Variants in CACNA1C observed in about 807,000 individuals in gnomAD.
CACNA1C encodes calcium voltage-gated channel subunit alpha1 C, also known as voltage-dependent L-type calcium channel subunit alpha-1C.
Under a neutral mutation model 229.0 loss-of-function variants are expected in CACNA1C, and 30 were observed. The observed-to-expected ratio is 0.13, with a 90% CI of 0.10 to 0.18. The LOEUF is 0.18. Ranked by LOEUF, CACNA1C falls within the 10% of genes least tolerant of loss-of-function variation. CACNA1C has a pLI of 1.00. For synonymous variants in CACNA1C, 1,114 were observed against 1,132.5 expected (o/e 0.98, Z 0.33); for missense variants, 1,658 against 2,845.0 (o/e 0.58, Z 9.49).
At chr12:2,543,591 T>G (rs1041821948) in intron 9 of CACNA1C, among the ~76,000 whole-genome samples, 2 of 152,230 alleles carry the variant, frequency 1.3e-5, no homozygotes, top group Non-Finnish European at 2.9e-5. Flanking sequence ...CGCAAATTAA[T>G]AGGCACTAAT....
intron 5 of CACNA1C, among the ~76,000 whole-genome samples, chr12:2,464,583 G>A (rs2099537485): frequency 6.6e-6 from 1 of 152,200 alleles, no homozygotes; most frequent in African/African-American, 2.4e-5. Context: ...CCTGGTTAAT[G>A]TGATTTTGAT....
chr12:2,609,622 G>A (rs2076755526), intron 27 of CACNA1C, among the ~76,000 whole-genome samples: 1 of 150,898 alleles, frequency 6.6e-6, no homozygotes, highest in African/African-American at 2.4e-5. Flanking sequence ...GGAGGTAAAA[G>A]CGTTAAGACT....
chr12:2,176,563 T>TG (rs1375567702), intron 3 of CACNA1C, among the ~76,000 whole-genome samples: 2 of 145,934 alleles, frequency 1.4e-5, no homozygotes, highest in Non-Finnish European at 3.0e-5. Context: ...TAGGGCCTAT[T>TG]GGGGGGGTTG....
chr12:2,180,648 G>A (rs1390323097), intron 3 of CACNA1C, among the ~76,000 whole-genome samples: 3 of 152,184 alleles, frequency 2.0e-5, no homozygotes, highest in African/African-American at 7.2e-5. Flanking sequence ...GAACATTTTT[G>A]CTGATAGGGA....
At chr12:2,473,021 A>T (rs905578347) in intron 5 of CACNA1C, among the ~76,000 whole-genome samples, 2 of 152,034 alleles carry the variant, frequency 1.3e-5, no homozygotes, top group Non-Finnish European at 2.9e-5. Context: ...AAAGGGCCTT[A>T]CTCCCAGGAG....
intron 14 of CACNA1C, among the ~76,000 whole-genome samples, chr12:2,582,410 A>G (rs965085101): frequency 6.6e-6 from 1 of 152,204 alleles, no homozygotes; most frequent in Non-Finnish European, 1.5e-5. Context: ...AATCACATGT[A>G]GATGTTGTCA....
intron 3 of CACNA1C, among the ~76,000 whole-genome samples, chr12:2,411,543 G>T (rs2098807117): frequency 6.6e-6 from 1 of 152,212 alleles, no homozygotes; most frequent in Non-Finnish European, 1.5e-5. Context: ...CAGAGCCCTT[G>T]CCTCTGTTCC....
intron 9 of CACNA1C, among the ~76,000 whole-genome samples, chr12:2,543,669 G>A (rs1051243966): frequency 6.6e-6 from 1 of 152,172 alleles, no homozygotes; most frequent in Non-Finnish European, 1.5e-5. Flanking sequence ...GATATATGCA[G>A]TGCCCCAAAA....
rs548658411 is a variant in CACNA1C, at chr12:2,233,344, A to G, written c.477+112914A>G. Among the ~76,000 whole-genome samples the G allele has an allele frequency of 1.3e-4, 20 of 152,342 alleles. No homozygotes were observed. In the South Asian group the frequency reaches 2.5e-3, roughly 19 times the overall value. ...ATCCTTTCACTCATTCATTAAGTCA[A>G]TATGTCTTGCATGTACACTGTGTGT... On this transcript the variant is annotated intron_variant, in intron 3 of 46. Coordinates refer to ENST00000399655, the MANE Select transcript of CACNA1C (RefSeq NM_000719.7).
rs969716180 is a variant in CACNA1C, at chr12:2,651,898, G to A, written c.4074+130G>A. On this transcript the variant is annotated intron_variant, in intron 32 of 46. Transcript: ENST00000399655. This position sits in a 1 kb window ranked among gnomAD's most constrained non-coding sequence, Gnocchi z 5.4. ...TTCCTCTGTGTGGCAGAACTCGGCC[G>A]CTCTGCCTGGCTCCCTGTTTCCGCA... The A allele has an allele frequency of 1.9e-5, 13 of 695,542 alleles. No individual in the cohort carries two copies. Among genetic ancestry groups the A allele is most frequent in the Non-Finnish European group, 2.6e-5 (11 of 431,190 alleles). 43.1% of individuals were successfully genotyped at this position (695,542 alleles called of 1,614,324 possible). A position where few individuals can be genotyped will look rare whatever the true frequency, so the allele number is the denominator to read the frequency against.
At chr12:2,209,735 A>G (rs917884934) in intron 3 of CACNA1C, among the ~76,000 whole-genome samples, 3 of 152,222 alleles carry the variant, frequency 2.0e-5, no homozygotes, top group Non-Finnish European at 2.9e-5. Flanking sequence ...AGATTTCTCT[A>G]CTTTTCAGTT....
chr12:2,692,902 G>T lies in CACNA1C; in HGVS notation c.*1703G>T, dbSNP rs1310119111. The T allele has an allele frequency of 6.6e-6, 1 of 152,590 alleles. No homozygotes were observed. Among genetic ancestry groups the T allele is most frequent in the Admixed American group, 6.5e-5 (1 of 15,286 alleles). 9.5% of individuals were successfully genotyped at this position (152,590 alleles called of 1,614,324 possible). A position where few individuals can be genotyped will look rare whatever the true frequency, so the allele number is the denominator to read the frequency against. ...TCACTTCTTGTATATTTTGCTGCAT[G>T]TAAAGTAAATCATTTTGTATTTGGA... is the stretch of plus-strand genomic sequence containing the variant. On this transcript the variant is annotated 3_prime_UTR_variant, in exon 47 of 47. Transcript: ENST00000399655.
At chr12:2,357,605 C>T (rs542273236) in intron 3 of CACNA1C, among the ~76,000 whole-genome samples, 27 of 149,196 alleles carry the variant, frequency 1.8e-4, no homozygotes, top group Non-Finnish European at 3.4e-4. Context: ...AGGATTGAAC[C>T]AAAGGGTGGA....
chr12:2,313,028 T>C (rs2095515161), intron 3 of CACNA1C, among the ~76,000 whole-genome samples: 1 of 152,178 alleles, frequency 6.6e-6, no homozygotes, highest in Non-Finnish European at 1.5e-5. Flanking sequence ...TAGAATTCTA[T>C]ATAGCAGAAC....
In CACNA1C at chr12:2,305,276, G is replaced by A. The variant is rs568107951; in HGVS notation, c.478-143700G>A. On this transcript the variant is annotated intron_variant, in intron 3 of 46. Coordinates refer to ENST00000399655, the MANE Select transcript of CACNA1C (RefSeq NM_000719.7). Reference sequence around the variant, plus strand: ...GCAGATTCTGAGAGCTCTTATTTCAGTCTCATCACTTTACTTGGGAGGAAG... The same window carrying A: ...GCAGATTCTGAGAGCTCTTATTTCAATCTCATCACTTTACTTGGGAGGAAG... Among the ~76,000 whole-genome samples the A allele has an allele frequency of 7.9e-4, 121 of 152,328 alleles. 1 individual carries two copies. The highest frequency in any genetic ancestry group is 2.9e-3 in the African/African-American group (120 of 41,570).
In CACNA1C at chr12:1,971,201, G is replaced by A; in HGVS notation, c.139G>A (p.Gly47Ser). 1 of 1,286,486 alleles carries A rather than the reference G, an allele frequency of 7.8e-7. No homozygotes were observed. Among genetic ancestry groups the A allele is most frequent in the Non-Finnish European group, 1.0e-6 (1 of 986,294 alleles). The allele number at this position is 1,286,486 out of a possible 1,614,324, so 79.7% of individuals were successfully genotyped here. A position where few individuals can be genotyped will look rare whatever the true frequency, so the allele number is the denominator to read the frequency against. Residue 47 changes from glycine to serine, a missense_variant and splice_region_variant, in exon 1 of 47, where the codon GGT becomes AGT. By Grantham distance (56) the Gly-to-Ser change is moderately conservative. Transcript: ENST00000682462. This position sits in a 1 kb window ranked among gnomAD's most constrained non-coding sequence, Gnocchi z 4.2. ...CAACTATTTCTACATCTCTCCTGGAGGTAAGAAACCCTAAAGTGAAATAAA... is the reference window on the plus strand; with the variant it reads ...CAACTATTTCTACATCTCTCCTGGAAGTAAGAAACCCTAAAGTGAAATAAA...
chr12:2,288,373 C>G (rs890013554), intron 3 of CACNA1C, among the ~76,000 whole-genome samples: 1 of 152,216 alleles, frequency 6.6e-6, no homozygotes, highest in African/African-American at 2.4e-5. Context: ...AGGAACCAAT[C>G]AACCAGCTGG....
At chr12:2,540,173 G>T (rs1339900725) in intron 9 of CACNA1C, among the ~76,000 whole-genome samples, 1 of 152,148 alleles carries the variant, frequency 6.6e-6, no homozygotes, top group East Asian at 1.9e-4. Flanking sequence ...CAGGAAGCAA[G>T]GTCAGCTTCC....
intron 3 of CACNA1C, among the ~76,000 whole-genome samples, chr12:2,168,921 C>T (rs1209356097): frequency 3.3e-5 from 5 of 152,076 alleles, no homozygotes; most frequent in Non-Finnish European, 7.4e-5. Flanking sequence ...CTCAGGATGC[C>T]CTACCCTTTC....
Sources: gnomAD v4.1 joint callset for allele counts (sites outside exome capture counted in the v4.1 genomes callset) on GRCh38, gnomAD v4.1.1 for gene constraint, Gnocchi (gnomAD v3.1) non-coding constraint, MANE v1.5 for transcripts, NCBI Gene and HGNC (gene_info 2026-07-23, HGNC 2026-07-21) for gene names.